The following ARFGEF3 variants were observed in gnomAD, a reference collection of about 807,000 sequenced individuals.
ARFGEF3 encodes the protein brefeldin A-inhibited guanine nucleotide-exchange protein 3.
ARFGEF3 carries 96 observed loss-of-function variants against 221.7 expected under a neutral mutation model. The observed-to-expected ratio is 0.43, with a 90% CI of 0.37 to 0.51. The LOEUF (loss-of-function observed/expected upper bound fraction) is 0.51. Ranked by LOEUF, ARFGEF3 falls within the 20% of genes least tolerant of loss-of-function variation. The probability of loss-of-function intolerance (pLI) is 0.00; values close to 1 mark genes in which losing one functional copy is unlikely to be tolerated. For synonymous variants in ARFGEF3, 1,145 were observed against 1,126.8 expected (o/e 1.02, Z -0.32); for missense variants, 2,410 against 2,789.9 (o/e 0.86, Z 3.07).
intron 9 of ARFGEF3, among the ~76,000 whole-genome samples, chr6:138,255,057 G>T (rs111685060): frequency 2.6e-5 from 4 of 152,168 alleles, no homozygotes; most frequent in African/African-American, 9.7e-5. Context: ...TGGGCTTATC[G>T]ACAGGAAGGA....
intron 12 of ARFGEF3, among the ~76,000 whole-genome samples, chr6:138,272,726 A>C (rs769356916): frequency 2.0e-5 from 3 of 152,218 alleles, no homozygotes; most frequent in Non-Finnish European, 4.4e-5. Flanking sequence ...AAAGTTGTGT[A>C]ATCTTATCAC....
chr6:138,272,293 T>C (rs1398733432), intron 12 of ARFGEF3, among the ~76,000 whole-genome samples: 2 of 152,130 alleles, frequency 1.3e-5, no homozygotes, highest in Non-Finnish European at 2.9e-5. Flanking sequence ...GAAGCTGGGA[T>C]TACAGGCGTC....
rs147704822 is a variant in ARFGEF3, at chr6:138,236,570, G to C, written c.421-1939G>C. Among the ~76,000 whole-genome samples the C allele has an allele frequency of 1.7e-3, 259 of 152,250 alleles. 1 individual carries two copies. The highest frequency in any genetic ancestry group is 3.0e-3 in the Non-Finnish European group (201 of 68,020). On this transcript the variant is annotated intron_variant, in intron 5 of 33. Coordinates refer to ENST00000251691, the MANE Select transcript of ARFGEF3 (RefSeq NM_020340.5). Reference sequence around the variant, plus strand: ...GCTCCTTGTAGCCTCTACCTTCCCAGGCTGAGGTGATCCTCCCATGCCTGG... The same window carrying C: ...GCTCCTTGTAGCCTCTACCTTCCCACGCTGAGGTGATCCTCCCATGCCTGG...
intron 5 of ARFGEF3, among the ~76,000 whole-genome samples, chr6:138,235,641 A>G (rs1456563734): frequency 1.3e-5 from 2 of 152,216 alleles, no homozygotes; most frequent in Non-Finnish European, 2.9e-5. Context: ...CTTGAATACA[A>G]TGAACAGGTT....
At chr6:138,313,623 T>G (rs1180926488) in intron 25 of ARFGEF3, among the ~76,000 whole-genome samples, 172 bp from the exon 26 acceptor site, 1 of 152,230 alleles carries the variant, frequency 6.6e-6, no homozygotes, top group Admixed American at 6.5e-5. Flanking sequence ...CTTCATGGGA[T>G]AGATGCCTCT....
At chr6:138,182,360 G>A (rs1777092908) in intron 2 of ARFGEF3, among the ~76,000 whole-genome samples, 1 of 152,110 alleles carries the variant, frequency 6.6e-6, no homozygotes, top group Admixed American at 6.5e-5. Flanking sequence ...CACCATTGTT[G>A]AAAAAACCTC....
At chr6:138,269,569 G>C (rs1036723503) in intron 12 of ARFGEF3, among the ~76,000 whole-genome samples, 1 of 152,146 alleles carries the variant, frequency 6.6e-6, no homozygotes, top group African/African-American at 2.4e-5. Flanking sequence ...CAGCACTTTG[G>C]GAGGCAGGGG....
At chr6:138,217,889 G>T in intron 4 of ARFGEF3, 1 of 1,427,364 alleles carries the variant, frequency 7.0e-7, no homozygotes, top group Non-Finnish European at 9.4e-7. Flanking sequence ...AGTTGGAATG[G>T]TTCAGTTACT....
intron 27 of ARFGEF3, among the ~76,000 whole-genome samples, chr6:138,318,633 A>G (rs1243505052): frequency 6.6e-6 from 1 of 152,238 alleles, no homozygotes; most frequent in Non-Finnish European, 1.5e-5. Context: ...ATGCATTCCA[A>G]AAGTCCTAAA....
intron 22 of ARFGEF3, among the ~76,000 whole-genome samples, chr6:138,305,074 A>T (rs909934261): frequency 4.5e-5 from 4 of 89,340 alleles, no homozygotes; most frequent in Admixed American, 2.2e-4. Context: ...TTCATAAATT[A>T]AAAAAAAAAA....
chr6:138,168,555 G>A (rs1356194787), intron 1 of ARFGEF3, among the ~76,000 whole-genome samples: 1 of 152,216 alleles, frequency 6.6e-6, no homozygotes, highest in Admixed American at 6.5e-5. Context: ...GTGTTAAGCA[G>A]AGACTGCAGC....
intron 2 of ARFGEF3, among the ~76,000 whole-genome samples, chr6:138,198,275 G>A (rs976329929): frequency 6.6e-6 from 1 of 152,166 alleles, no homozygotes; most frequent in Non-Finnish European, 1.5e-5. Context: ...AAGCCTGCAG[G>A]AGAAAAGGGA....
chr6:138,173,220 A>G (rs1158105062), intron 2 of ARFGEF3, among the ~76,000 whole-genome samples: 3 of 152,178 alleles, frequency 2.0e-5, no homozygotes, highest in Non-Finnish European at 4.4e-5. Flanking sequence ...CAAAAGTGAT[A>G]TGTTTTAATT....
intron 17 of ARFGEF3, among the ~76,000 whole-genome samples, chr6:138,288,414 T>C (rs1421636406): frequency 1.3e-5 from 2 of 151,746 alleles, no homozygotes; most frequent in African/African-American, 4.8e-5. Context: ...CCAGGCGCAG[T>C]GGCTTACACT....
At chr6:138,181,934 C>A (rs1777085684) in intron 2 of ARFGEF3, among the ~76,000 whole-genome samples, 1 of 152,178 alleles carries the variant, frequency 6.6e-6, no homozygotes, top group East Asian at 1.9e-4. Flanking sequence ...TGGATAGGGA[C>A]CCGAGCTCAT....
chr6:138,335,299 G>C (rs1164274793), intron 33 of ARFGEF3, 111 bp downstream of exon 33: 33 of 1,158,768 alleles, frequency 2.8e-5, no homozygotes, highest in Non-Finnish European at 3.6e-5. Flanking sequence ...AAACAGGTAG[G>C]GGGTATGAAC....
intron 1 of ARFGEF3, among the ~76,000 whole-genome samples, chr6:138,163,180 G>C (rs1205681340): frequency 1.3e-5 from 2 of 152,192 alleles, no homozygotes; most frequent in African/African-American, 4.8e-5. Flanking sequence ...AGTGGTTTAG[G>C]TGACTCTTAA....
rs763358598 is a variant in ARFGEF3, at chr6:138,307,293, C to T, written c.3869C>T (p.Thr1290Met). The change falls in exon 23 of 34, where the codon ACG becomes ATG. Residue 1290 changes from threonine to methionine, a missense_variant. By Grantham distance (81) the Thr-to-Met change is moderately conservative (BLOSUM62 -1). Transcript: ENST00000251691. ...GGTGAGCTGGTTGAAGTGTGTTCCACGCAGATCCAGTCGGGATGGAGACCC... is the reference window on the plus strand; with the variant it reads ...GGTGAGCTGGTTGAAGTGTGTTCCATGCAGATCCAGTCGGGATGGAGACCC... The part of the protein sequence containing the change: ...SIGELVEVCS[T>M]QIQSGWRPLF... 9 of 1,613,838 alleles carry T rather than the reference C, an allele frequency of 5.6e-6. No individual in the cohort carries two copies. Among genetic ancestry groups the T allele is most frequent in the African/African-American group, 1.3e-5 (1 of 74,930 alleles).
At chr6:138,202,909 C>T (rs1448615251) in intron 2 of ARFGEF3, among the ~76,000 whole-genome samples, 3 of 151,968 alleles carry the variant, frequency 2.0e-5, no homozygotes, top group Admixed American at 2.0e-4. Context: ...CACACCCACA[C>T]ACACACACAC....
Sources: gnomAD v4.1 joint callset for allele counts (sites outside exome capture counted in the v4.1 genomes callset) on GRCh38, gnomAD v4.1.1 for gene constraint, MANE v1.5 for transcripts, NCBI Gene and HGNC (gene_info 2026-07-23, HGNC 2026-07-21) for gene names.